The following VTCN1 variants were observed in gnomAD, a reference collection of about 807,000 sequenced individuals.
The protein encoded by VTCN1 is V-set domain containing T cell activation inhibitor 1.
A neutral mutation model predicts 26.5 loss-of-function variants in VTCN1; 26 were observed. The observed-to-expected ratio is 0.98, with a 90% CI of 0.72 to 1.36. The LOEUF is 1.36. Ranked by LOEUF, VTCN1 falls within the 40% of genes most tolerant of loss-of-function variation. VTCN1 has a pLI of 0.00. For missense variants in VTCN1, 298 were observed against 337.7 expected (o/e 0.88, Z 0.92); for synonymous variants, 116 against 130.7 (o/e 0.89, Z 0.77).
Position 117,183,523 on chromosome 1 carries a change from CA to C in VTCN1, c.33-13353del, listed in dbSNP as rs1647777334. The stretch of plus-strand genomic sequence containing the variant: ...ATCTTGCTGATGCTATAAATTGTAA[CA>C]AAATGCCTTGGAGGGTTGTACATGG... On this transcript the variant is annotated intron_variant, in intron 1 of 5. Transcript: ENST00000369458. This position sits in a 1 kb window ranked among gnomAD's most constrained non-coding sequence, Gnocchi z 4.1. 6.6e-6 allele frequency among the ~76,000 whole-genome samples: 1 copy of C among 152,060 alleles called. No individual in the cohort carries two copies. The highest frequency in any genetic ancestry group is 1.5e-5 in the Non-Finnish European group (1 of 68,008).
intron 3 of VTCN1, among the ~76,000 whole-genome samples, chr1:117,153,655 C>T (rs1651919040): frequency 6.6e-6 from 1 of 152,054 alleles, no homozygotes; most frequent in African/African-American, 2.4e-5. Context: ...AAAATTTTCT[C>T]CAAGTAAGAG....
intron 1 of VTCN1, among the ~76,000 whole-genome samples, chr1:117,171,898 T>C (rs1266638371): frequency 6.6e-6 from 1 of 152,156 alleles, no homozygotes; most frequent in Non-Finnish European, 1.5e-5. Flanking sequence ...AGCTCACCGA[T>C]GGGGCGTGTC....
intron 1 of VTCN1, among the ~76,000 whole-genome samples, chr1:117,209,367 G>C (rs952347979): frequency 5.9e-5 from 9 of 152,170 alleles, no homozygotes; most frequent in African/African-American, 9.7e-5. Context: ...TGGGATCAAG[G>C]CTGGAGGAAT....
intron 3 of VTCN1, 42 bp from the exon 4 acceptor site, chr1:117,153,411 A>G (rs576459208): frequency 6.4e-7 from 1 of 1,560,970 alleles, no homozygotes; most frequent in African/African-American, 1.4e-5. Flanking sequence ...CCAAAGTCAG[A>G]CACGTAAGAC....
chr1:117,164,113 C>T (rs942974790), intron 2 of VTCN1, among the ~76,000 whole-genome samples: 3 of 152,224 alleles, frequency 2.0e-5, no homozygotes, highest in African/African-American at 7.2e-5. Flanking sequence ...AGAACCTAAA[C>T]ATCCCAGAGA....
chr1:117,202,405 A>ATGT (rs1284285515), intron 1 of VTCN1, among the ~76,000 whole-genome samples: 1 of 152,100 alleles, frequency 6.6e-6, no homozygotes, highest in East Asian at 1.9e-4. Context: ...TGTCATGGAA[A>ATGT]CCAAGAGAAG....
chr1:117,187,569 T>C (rs1400253034), intron 1 of VTCN1, among the ~76,000 whole-genome samples: 1 of 152,202 alleles, frequency 6.6e-6, no homozygotes. Context: ...CATCAGAAAC[T>C]GTCTCTGTGT....
chr1:117,201,004 T>C (rs1648757930), intron 1 of VTCN1, among the ~76,000 whole-genome samples: 1 of 152,142 alleles, frequency 6.6e-6, no homozygotes, highest in African/African-American at 2.4e-5. Context: ...TGGTCTCGAA[T>C]TCCTGGACTG....
chr1:117,189,479 G>A (rs1305818547), intron 1 of VTCN1, among the ~76,000 whole-genome samples: 1 of 152,124 alleles, frequency 6.6e-6, no homozygotes, highest in Non-Finnish European at 1.5e-5. Context: ...AGGGAGACTT[G>A]GCAAAAGTCA....
chr1:117,205,071 ATATGTACATGTATATGTATG>A (rs1279565874), intron 1 of VTCN1, among the ~76,000 whole-genome samples: 1 of 131,234 alleles, frequency 7.6e-6, no homozygotes, highest in Non-Finnish European at 1.6e-5. Flanking sequence ...GTATATATGT[ATATGTACATGTATATGTATG>A]TATGTATATG....
chr1:117,184,791 G>A (rs1190633325), intron 1 of VTCN1, among the ~76,000 whole-genome samples: 1 of 152,144 alleles, frequency 6.6e-6, no homozygotes, highest in East Asian at 1.9e-4. Flanking sequence ...CAAGAGCCAG[G>A]GTGACTGTGG....
Position 117,147,631 on chromosome 1 carries a change from T to C in VTCN1, c.*27A>G. 1.2e-6 allele frequency: 2 copies of C among 1,610,024 alleles called. No individual in the cohort carries two copies. Among genetic ancestry groups the C allele is most frequent in the Non-Finnish European group, 8.5e-7 (1 of 1,178,880 alleles). The stretch of plus-strand genomic sequence containing the variant: ...ATCTCACCTGTTGTAACAATGACTT[T>C]GCATGCTTTTTTGTGGCCGAGGCAC... On this transcript the variant is annotated 3_prime_UTR_variant, in exon 5 of 6. Coordinates refer to ENST00000369458, the MANE Select transcript of VTCN1 (RefSeq NM_024626.4). This position sits in a 1 kb window ranked among gnomAD's most constrained non-coding sequence, Gnocchi z 4.6.
intron 1 of VTCN1, 81 bp from the exon 2 acceptor site, chr1:117,170,252 T>C (rs1435166450): frequency 1.5e-6 from 2 of 1,333,828 alleles, no homozygotes; most frequent in Admixed American, 1.7e-5. Flanking sequence ...TACAAATCTG[T>C]TGTGGATAAG....
chr1:117,182,239 A>G (rs1430361856), intron 1 of VTCN1, among the ~76,000 whole-genome samples: 1 of 152,194 alleles, frequency 6.6e-6, no homozygotes, highest in Non-Finnish European at 1.5e-5. Flanking sequence ...TTTATTTTAT[A>G]ATGGCAGAAA....
At chr1:117,210,745 C>T in intron 1 of VTCN1, 79 bp downstream of exon 1, 1 of 1,494,846 alleles carries the variant, frequency 6.7e-7, no homozygotes, top group Admixed American at 1.7e-5. Context: ...ATGGGACAGC[C>T]CAGCAGTGCT....
At chr1:117,193,139 C>A (rs1183316333) in intron 1 of VTCN1, among the ~76,000 whole-genome samples, 2 of 151,976 alleles carry the variant, frequency 1.3e-5, no homozygotes, top group African/African-American at 4.8e-5. Context: ...AAATACTACA[C>A]CATTTTATAT....
At chr1:117,170,054 G>A in intron 2 of VTCN1, 53 bp downstream of exon 2, 1 of 1,523,968 alleles carries the variant, frequency 6.6e-7, no homozygotes, top group Non-Finnish European at 9.1e-7. Context: ...TGAGTGATTA[G>A]GAGTTTAATG....
At chr1:117,171,783 T>C (rs1441249551) in intron 1 of VTCN1, among the ~76,000 whole-genome samples, 3 of 152,174 alleles carry the variant, frequency 2.0e-5, no homozygotes, top group Non-Finnish European at 4.4e-5. Flanking sequence ...CACAGGGAGA[T>C]TAAGCATCTT....
rs980353478 is a variant in VTCN1, at chr1:117,175,699, G to A, written c.33-5528C>T. 6.6e-6 allele frequency among the ~76,000 whole-genome samples: 1 copy of A among 151,728 alleles called. No homozygotes were observed. ...ATGCTATAGAAACATATACTGCAGC[G>A]GACAGGCTGTATTACTGTATCACAC... On this transcript the variant is annotated intron_variant, in intron 1 of 5. Coordinates refer to ENST00000369458, the MANE Select transcript of VTCN1 (RefSeq NM_024626.4). This position sits in a 1 kb window ranked among gnomAD's most constrained non-coding sequence, Gnocchi z 4.2.
Sources: allele counts gnomAD v4.1 joint callset (sites outside exome capture counted in the v4.1 genomes callset), GRCh38; gene constraint gnomAD v4.1.1; non-coding constraint Gnocchi (gnomAD v3.1); transcripts MANE v1.5; gene names NCBI Gene and HGNC (gene_info 2026-07-23, HGNC 2026-07-21).